OSBPL1A: variants seen among roughly 807,000 people sequenced by gnomAD.
OSBPL1A encodes oxysterol binding protein like 1A.
Under a neutral mutation model 137.1 loss-of-function variants are expected in OSBPL1A, and 80 were observed. That is an observed-to-expected ratio of 0.58 (90% CI 0.49 to 0.70). OSBPL1A has a LOEUF of 0.70. OSBPL1A is among the 30% of genes least tolerant of loss of function. The pLI is 0.00. For synonymous variants in OSBPL1A, 365 were observed against 389.7 expected (o/e 0.94, Z 0.75); for missense variants, 970 against 1,129.4 (o/e 0.86, Z 2.02).
At chr18:24,307,467 C>G (rs1385344098) in intron 13 of OSBPL1A, among the ~76,000 whole-genome samples, 1 of 152,172 alleles carries the variant, frequency 6.6e-6, no homozygotes, top group East Asian at 1.9e-4. Context: ...AAAAGTAATT[C>G]TCCTTCACAC....
chr18:24,164,578 G>T (rs558934404), intron 27 of OSBPL1A, among the ~76,000 whole-genome samples: 2 of 151,908 alleles, frequency 1.3e-5, no homozygotes, highest in South Asian at 2.1e-4. Flanking sequence ...ACAGGCGCCC[G>T]CCACCACGCC....
chr18:24,198,537 T>A (rs1037909671), intron 17 of OSBPL1A, among the ~76,000 whole-genome samples: 1 of 152,002 alleles, frequency 6.6e-6, no homozygotes, highest in African/African-American at 2.4e-5. Flanking sequence ...TAAACAGCCG[T>A]TACAGAGCCC....
At chr18:24,248,017 C>T (rs966952181) in intron 15 of OSBPL1A, among the ~76,000 whole-genome samples, 1 of 152,030 alleles carries the variant, frequency 6.6e-6, no homozygotes, top group Non-Finnish European at 1.5e-5. Flanking sequence ...GAATAATGTT[C>T]TTGACTTTGT....
chr18:24,234,308 G>A (rs2088373754), intron 16 of OSBPL1A, among the ~76,000 whole-genome samples: 1 of 152,018 alleles, frequency 6.6e-6, no homozygotes, highest in Non-Finnish European at 1.5e-5. Context: ...AATTTCACTT[G>A]ACATAACCAT....
intron 16 of OSBPL1A, 106 bp from the exon 17 acceptor site, chr18:24,225,304 A>G (rs986759488): frequency 5.9e-6 from 7 of 1,189,336 alleles, no homozygotes; most frequent in Admixed American, 4.5e-5. Flanking sequence ...TAAGCAGCCT[A>G]CTTTGTCCCT....
At chr18:24,384,676 C>T (rs956339312) in intron 1 of OSBPL1A, among the ~76,000 whole-genome samples, 7 of 151,970 alleles carry the variant, frequency 4.6e-5, no homozygotes, top group South Asian at 2.1e-4. Flanking sequence ...TCCGGACCAG[C>T]GTGGCCAACA....
At chr18:24,171,046 T>C (rs1395902627) in intron 23 of OSBPL1A, among the ~76,000 whole-genome samples, 1 of 151,934 alleles carries the variant, frequency 6.6e-6, no homozygotes, top group African/African-American at 2.4e-5. Flanking sequence ...TTTTTTGTTT[T>C]TTTTTTTTTA....
At chr18:24,207,882 A>G (rs551464057) in intron 17 of OSBPL1A, among the ~76,000 whole-genome samples, 8 of 152,246 alleles carry the variant, frequency 5.3e-5, no homozygotes, top group African/African-American at 1.7e-4. Context: ...AGTAGCTGGC[A>G]CTACAAGCGT....
rs9950163 is a variant in OSBPL1A, at chr18:24,248,390, G to C, written c.1282-9008C>G. Reference sequence around the variant, plus strand: ...GATCAGCCCAACACATTTTCCCATTGGTTATAGCTGACTGTGATTGGCCTG... The same window carrying C: ...GATCAGCCCAACACATTTTCCCATTCGTTATAGCTGACTGTGATTGGCCTG... On this transcript the variant is annotated intron_variant, in intron 15 of 27. Transcript: ENST00000319481. Among the ~76,000 whole-genome samples the C allele has an allele frequency of 3.9e-3, 594 of 152,260 alleles. 4 individuals are homozygous for C. Among genetic ancestry groups the C allele is most frequent in the African/African-American group, 0.013 (558 of 41,542 alleles).
rs57325245 is a variant in OSBPL1A, at chr18:24,175,137, C to CATATATATATATATATATAT, written c.2094-2655_2094-2654insATATATATATATATATATAT. ...ATATATATATATATATATATATATA[C>CATATATATATATATATATAT]ACATATATATATATATATGAAGTAT... On this transcript the variant is annotated intron_variant, in intron 21 of 27. Coordinates refer to ENST00000319481, the MANE Select transcript of OSBPL1A (RefSeq NM_080597.4). Among the ~76,000 whole-genome samples, 80 of 51,738 alleles carry CATATATATATATATATATAT rather than the reference C, an allele frequency of 1.5e-3. 1 individual carries two copies. Among genetic ancestry groups the CATATATATATATATATATAT allele is most frequent in the African/African-American group, 6.1e-3 (76 of 12,360 alleles). 33.9% of individuals were successfully genotyped at this position (51,738 alleles called of 152,430 possible).
intron 16 of OSBPL1A, among the ~76,000 whole-genome samples, chr18:24,230,750 CT>C (rs2088246790): frequency 6.6e-6 from 1 of 152,004 alleles, no homozygotes. Flanking sequence ...TTTTAGGAAA[CT>C]TCTGACCCCT....
intron 2 of OSBPL1A, among the ~76,000 whole-genome samples, chr18:24,369,497 T>G (rs950986594): frequency 6.6e-6 from 1 of 152,164 alleles, no homozygotes; most frequent in Non-Finnish European, 1.5e-5. Flanking sequence ...CAGGGGCCAC[T>G]GCAGGGAAAG....
At chr18:24,182,164 G>A (rs745455854) in intron 18 of OSBPL1A, among the ~76,000 whole-genome samples, 5 of 152,066 alleles carry the variant, frequency 3.3e-5, no homozygotes, top group African/African-American at 4.8e-5. Context: ...GTACTAGCAG[G>A]CTACTGCATA....
chr18:24,190,346 G>GA lies in OSBPL1A; in HGVS notation c.1677+5778dup, dbSNP rs140195338. On this transcript the variant is annotated intron_variant, in intron 18 of 27. Coordinates refer to ENST00000319481, the MANE Select transcript of OSBPL1A (RefSeq NM_080597.4). ...CCATTCACAGTTGCCCTCTGCTACTGAAAAAAAAAAAAAAAAAAAAAAAAA... is the reference window on the plus strand; with the variant it reads ...CCATTCACAGTTGCCCTCTGCTACTGAAAAAAAAAAAAAAAAAAAAAAAAAA... Among the ~76,000 whole-genome samples the GA allele has an allele frequency of 2.7e-3, 134 of 49,178 alleles. 8 individuals carry two copies. The highest frequency in any genetic ancestry group is 5.7e-3 in the Admixed American group (19 of 3,354). 32.3% of individuals were successfully genotyped at this position (49,178 alleles called of 152,430 possible). A position where few individuals can be genotyped will look rare whatever the true frequency, so the allele number is the denominator to read the frequency against.
At chr18:24,177,908 T>A in intron 21 of OSBPL1A, 105 bp downstream of exon 21, 1 of 1,076,724 alleles carries the variant, frequency 9.3e-7, no homozygotes, top group Non-Finnish European at 1.3e-6. Flanking sequence ...ATGAAAGCTG[T>A]TTCTTTTTCT....
intron 15 of OSBPL1A, among the ~76,000 whole-genome samples, chr18:24,244,105 A>G (rs1444140836): frequency 6.6e-6 from 1 of 152,242 alleles, no homozygotes; most frequent in Non-Finnish European, 1.5e-5. Flanking sequence ...ACTTCATAAA[A>G]TATTCACCTT....
chr18:24,258,733 T>C (rs566217495), intron 15 of OSBPL1A, among the ~76,000 whole-genome samples: 26 of 152,220 alleles, frequency 1.7e-4, no homozygotes, highest in Admixed American at 1.6e-3. Context: ...CTTATATCTA[T>C]GTGCTCACAA....
At chr18:24,352,066 G>C (rs2091449792) in intron 4 of OSBPL1A, among the ~76,000 whole-genome samples, 1 of 152,172 alleles carries the variant, frequency 6.6e-6, no homozygotes, top group Admixed American at 6.5e-5. Context: ...CTAGCACTTT[G>C]GGAGGCTCAG....
chr18:24,208,397 GATAA>G (rs1425033010), intron 17 of OSBPL1A, among the ~76,000 whole-genome samples: 15 of 152,114 alleles, frequency 9.9e-5, no homozygotes, highest in Middle Eastern at 3.2e-3. Flanking sequence ...CTCACCACTG[GATAA>G]ATACATTCTG....
Sources: allele counts gnomAD v4.1 joint callset (sites outside exome capture counted in the v4.1 genomes callset), GRCh38; gene constraint gnomAD v4.1.1; transcripts MANE v1.5; gene names NCBI Gene and HGNC (gene_info 2026-07-23, HGNC 2026-07-21).